Variants in GGA3 observed in about 807,000 individuals in gnomAD.
The protein encoded by GGA3 is golgi associated, gamma adaptin ear containing, ARF binding protein 3, also known as ADP-ribosylation factor-binding protein GGA3.
GGA3 carries 57 observed loss-of-function variants against 77.5 expected under a neutral mutation model. The ratio of observed to expected loss-of-function variants is 0.74; its 90% confidence interval spans 0.59 to 0.92. The LOEUF is 0.92. Among genes scored for constraint, GGA3 ranks in the 40% least tolerant of loss-of-function variants. The probability of loss-of-function intolerance (pLI) is 0.00; values close to 1 mark genes in which losing one functional copy is unlikely to be tolerated. For missense variants in GGA3, 970 were observed against 914.9 expected (o/e 1.06, Z -0.78); for synonymous variants, 416 against 383.7 (o/e 1.08, Z -0.98).
chr17:75,243,245 C>G, intron 5 of GGA3, 79 bp from the exon 6 acceptor site: 1 of 1,203,568 alleles, frequency 8.3e-7, no homozygotes. Context: ...GGGCCACGTC[C>G]CTGTGATCAA....
intron 1 of GGA3, chr17:75,248,791 A>G (rs988198201): frequency 3.3e-5 from 26 of 782,642 alleles, no homozygotes; most frequent in African/African-American, 2.4e-4. Flanking sequence ...GTCTAAAAAA[A>G]AAACAAAAAC....
intron 3 of GGA3, among the ~76,000 whole-genome samples, chr17:75,245,869 G>A (rs978365096): frequency 3.3e-5 from 5 of 152,184 alleles, no homozygotes; most frequent in African/African-American, 1.2e-4. Flanking sequence ...TATGACTGAG[G>A]GGTGCATGTG....
chr17:75,257,310 C>T lies in GGA3; in HGVS notation c.40+4238G>A, dbSNP rs148538170. Among the ~76,000 whole-genome samples the T allele has an allele frequency of 6.0e-3, 834 of 138,978 alleles. 6 individuals are homozygous for T. The highest frequency in any genetic ancestry group is 0.02 in the African/African-American group (786 of 39,834). The allele number at this position is 138,978 out of a possible 152,430, so 91.2% of individuals were successfully genotyped here. ...CCCCCAAAAAAAACCTGTCATCATC[C>T]CTACTATCTTCTGTCTAGTCATACT... On this transcript the variant is annotated intron_variant, in intron 1 of 16. Transcript: ENST00000537686.
intron 14 of GGA3, 97 bp downstream of exon 14, chr17:75,239,278 C>T (rs775620504): frequency 2.7e-5 from 31 of 1,149,838 alleles, no homozygotes; most frequent in Non-Finnish European, 3.6e-5. Context: ...TAAGGGACCC[C>T]CTGCAAAGAG....
intron 1 of GGA3, among the ~76,000 whole-genome samples, chr17:75,251,763 TTTC>T (rs556013448): frequency 1.5e-3 from 230 of 151,502 alleles, no homozygotes; most frequent in African/African-American, 5.4e-3. Context: ...CCCATTTCTT[TTTC>T]TTCTTCCTTT....
At chr17:75,261,753 TTTGGACCCCGGA>T, upstream of GGA3, 1 of 1,147,374 alleles carries the variant, frequency 8.7e-7, no homozygotes, top group Non-Finnish European at 1.2e-6. Flanking sequence ...GGCGCTCCCC[TTTGGACCCCGGA>T]GTGAAAAACT....
upstream of GGA3, chr17:75,261,780 C>A (rs2077394052): frequency 4.2e-6 from 5 of 1,188,098 alleles, no homozygotes; most frequent in Non-Finnish European, 5.8e-6. Context: ...AAAACTCTAA[C>A]GTCCAGATCA....
At chr17:75,244,162 TC>T (rs2076673452) in intron 4 of GGA3, among the ~76,000 whole-genome samples, 1 of 152,152 alleles carries the variant, frequency 6.6e-6, no homozygotes, top group African/African-American at 2.4e-5. Flanking sequence ...CATGAGAATG[TC>T]TTTAGCATGG....
intron 3 of GGA3, among the ~76,000 whole-genome samples, chr17:75,245,669 T>C (rs1377509351): frequency 6.6e-6 from 1 of 152,174 alleles, no homozygotes; most frequent in East Asian, 1.9e-4. Flanking sequence ...GGACCACAGG[T>C]GTGTGCCACC....
At chr17:75,249,734 A>G (rs891562147) in intron 1 of GGA3, among the ~76,000 whole-genome samples, 1 of 152,184 alleles carries the variant, frequency 6.6e-6, no homozygotes, top group Admixed American at 6.5e-5. Context: ...AAACTGGCCC[A>G]CTCACTTTCA....
intron 1 of GGA3, among the ~76,000 whole-genome samples, chr17:75,260,194 A>G (rs888152596): frequency 1.3e-5 from 2 of 152,224 alleles, no homozygotes; most frequent in Non-Finnish European, 2.9e-5. Flanking sequence ...AATGTAGCCT[A>G]TTAAACTCAG....
Position 75,238,229 on chromosome 17 carries a change from T to C in GGA3, c.*50A>G. On this transcript the variant is annotated 3_prime_UTR_variant, in exon 17 of 17. Coordinates refer to ENST00000537686, the MANE Select transcript of GGA3 (RefSeq NM_138619.4). ...TGACGGGACCAGAGCCCTCCTCGTC[T>C]CAGGGCAGCCTGCCTGGCTTCAAGG... The C allele has an allele frequency of 6.3e-7, 1 of 1,599,676 alleles. No homozygotes were observed. The highest frequency in any genetic ancestry group is 8.5e-7 in the Non-Finnish European group (1 of 1,171,006).
chr17:75,249,561 C>T (rs1261951193), intron 1 of GGA3, among the ~76,000 whole-genome samples: 1 of 152,220 alleles, frequency 6.6e-6, no homozygotes, highest in Admixed American at 6.5e-5. Flanking sequence ...CTGAAATTTC[C>T]TCAGGCATTA....
Position 75,246,563 on chromosome 17 carries a change from C to T in GGA3, c.147G>A (p.Leu49=). ...ELEGPQIAVR[L]LAHKIQSPQE... is the part of the protein sequence containing the mutation. Reference sequence around the variant, plus strand: ...GTGGGGACTGGATCTTGTGGGCCAGCAGTCGGACGGCGATCTGTGGCCTGG... The same window carrying T: ...GTGGGGACTGGATCTTGTGGGCCAGTAGTCGGACGGCGATCTGTGGCCTGG... Residue 49 remains leucine, a synonymous_variant, in exon 3 of 17, where the codon CTG becomes CTA. Coordinates refer to ENST00000537686, the MANE Select transcript of GGA3 (RefSeq NM_138619.4). 6.2e-7 allele frequency: 1 copy of T among 1,613,864 alleles called. No homozygotes were observed.
In GGA3 at chr17:75,238,223, C is replaced by T; in HGVS notation, c.*56G>A. 6.3e-7 allele frequency: 1 copy of T among 1,592,796 alleles called. No individual in the cohort carries two copies. The highest frequency in any genetic ancestry group is 8.6e-7 in the Non-Finnish European group (1 of 1,167,048). Reference sequence around the variant, plus strand: ...GGAGAGTGACGGGACCAGAGCCCTCCTCGTCTCAGGGCAGCCTGCCTGGCT... The same window carrying T: ...GGAGAGTGACGGGACCAGAGCCCTCTTCGTCTCAGGGCAGCCTGCCTGGCT... On this transcript the variant is annotated 3_prime_UTR_variant, in exon 17 of 17. Coordinates refer to ENST00000537686, the MANE Select transcript of GGA3 (RefSeq NM_138619.4).
intron 4 of GGA3, 169 bp downstream of exon 4, chr17:75,244,447 CTGT>C (rs1567789302): frequency 1.6e-6 from 1 of 622,326 alleles, no homozygotes; most frequent in South Asian, 1.8e-5. Context: ...CTGCCGGTCC[CTGT>C]GGCCTGTTTG....
At chr17:75,242,200 A>T in intron 8 of GGA3, 136 bp downstream of exon 8, 1 of 902,640 alleles carries the variant, frequency 1.1e-6, no homozygotes, top group Non-Finnish European at 1.8e-6. Flanking sequence ...GCTGCTGTGC[A>T]GATGAGTAAG....
Position 75,243,143 on chromosome 17 carries a change from TTGG to T in GGA3, c.445_447del (p.Pro149del), listed in dbSNP as rs763785993. The T allele has an allele frequency of 8.1e-6, 13 of 1,611,778 alleles. No individual in the cohort carries two copies. The highest frequency in any genetic ancestry group is 1.1e-5 in the Non-Finnish European group (13 of 1,179,142). The stretch of plus-strand genomic sequence containing the variant: ...GGGATCAGCGTCCTATCCACAGGAA[TTGG>T]TGGGTCAGACTGCACTATGCCTGAA... On this transcript the variant is annotated inframe_deletion, in exon 6 of 17. Coordinates refer to ENST00000537686, the MANE Select transcript of GGA3 (RefSeq NM_138619.4).
At chr17:75,241,868 C>T (rs1178047759) in intron 8 of GGA3, 172 bp from the exon 9 acceptor site, 9 of 650,886 alleles carry the variant, frequency 1.4e-5, no homozygotes, top group Non-Finnish European at 2.5e-5. Flanking sequence ...CACCACCACA[C>T]CACATCACCC....
Sources: gnomAD v4.1 joint callset for allele counts (sites outside exome capture counted in the v4.1 genomes callset) on GRCh38, gnomAD v4.1.1 for gene constraint, MANE v1.5 for transcripts, NCBI Gene and HGNC (gene_info 2026-07-23, HGNC 2026-07-21) for gene names.